The following TRAFD1 variants were observed in gnomAD, a reference collection of about 807,000 sequenced individuals.
TRAFD1 encodes TRAF-type zinc finger domain containing 1, also known as TRAF-type zinc finger domain-containing protein 1.
TRAFD1 carries 38 observed loss-of-function variants against 65.3 expected under a neutral mutation model. The ratio of observed to expected loss-of-function variants is 0.58; its 90% CI spans 0.45 to 0.76. The LOEUF is 0.76. Ranked by LOEUF, TRAFD1 falls within the 30% of genes least tolerant of loss-of-function variation. The pLI is 0.00. For missense variants in TRAFD1, 631 were observed against 712.6 expected, an observed-to-expected ratio of 0.89 and a Z score of 1.30; for synonymous variants, 223 against 257.2, an observed-to-expected ratio of 0.87 and a Z score of 1.27.
At chr12:112,138,651 A>C (rs991219201) in intron 4 of TRAFD1, among the ~76,000 whole-genome samples, 2 of 152,048 alleles carry the variant, frequency 1.3e-5, no homozygotes, top group Non-Finnish European at 2.9e-5. Flanking sequence ...TGAGGTCAAG[A>C]GTTCAAGACC....
chr12:112,141,289 G>A (rs753285617), intron 5 of TRAFD1, 65 bp downstream of exon 5: 1 of 1,563,690 alleles, frequency 6.4e-7, no homozygotes, highest in Non-Finnish European at 8.7e-7. Context: ...TGGGAACAGG[G>A]CTTTGGGGCC....
Position 112,130,581 on chromosome 12 carries a change from A to G in TRAFD1, c.47+12A>G. On this transcript the variant is annotated intron_variant, in intron 2 of 11. Transcript: ENST00000412615. This position sits in a 1 kb window ranked among gnomAD's most constrained non-coding sequence, Gnocchi z 4.4. ...CTGTGTGACAACTGGTAAGACATTA[A>G]ATCTAAGAAATGTTAGTGGAATGAG... 6.2e-7 allele frequency: 1 copy of G among 1,609,372 alleles called. No homozygotes were observed. Among genetic ancestry groups the G allele is most frequent in the South Asian group, 1.1e-5 (1 of 90,558 alleles).
rs777751852 is a variant in TRAFD1, at chr12:112,152,526, T to C, written c.1692+27T>C. On this transcript the variant is annotated intron_variant, in intron 11 of 11. Transcript: ENST00000412615. This position sits in a 1 kb window ranked among gnomAD's most constrained non-coding sequence, Gnocchi z 5.0. ...TAAGGTGGGCTCCAGCCCATGATGC[T>C]CAGTGGGGGACTCAGACATGGTGGG... 4.3e-6 allele frequency: 7 copies of C among 1,613,426 alleles called. No individual in the cohort carries two copies. Among genetic ancestry groups the C allele is most frequent in the Non-Finnish European group, 5.1e-6 (6 of 1,179,676 alleles).
chr12:112,134,931 A>T, intron 3 of TRAFD1, 58 bp downstream of exon 3: 1 of 1,612,536 alleles, frequency 6.2e-7, no homozygotes, highest in East Asian at 2.2e-5. Flanking sequence ...TTGTTCGTAA[A>T]TGTATTCTGT....
chr12:112,130,392 C>A lies in TRAFD1; in HGVS notation c.-12-119C>A, dbSNP rs2079734534. ...AAGGGACTGGATATTGAATAAAATG[C>A]TTTAACATGCAGGTTTGGGTGACAG... On this transcript the variant is annotated intron_variant, in intron 1 of 11. Coordinates refer to ENST00000412615, the MANE Select transcript of TRAFD1 (RefSeq NM_006700.3). The surrounding 1 kb of genome is among the most constrained non-coding windows in gnomAD (Gnocchi z 4.4). 1 of 626,946 alleles carries A rather than the reference C, an allele frequency of 1.6e-6. No homozygotes were observed. The allele number at this position is 626,946 out of a possible 1,614,324, so 38.8% of individuals were successfully genotyped here.
intron 6 of TRAFD1, among the ~76,000 whole-genome samples, chr12:112,145,201 C>T (rs1033751778): frequency 2.0e-5 from 3 of 152,064 alleles, no homozygotes; most frequent in Admixed American, 1.3e-4. Context: ...CCAGTTTATC[C>T]GTAAAATAAG....
intron 1 of TRAFD1, among the ~76,000 whole-genome samples, chr12:112,128,371 C>A (rs143146329): frequency 5.8e-4 from 88 of 152,276 alleles, no homozygotes; most frequent in Admixed American, 7.8e-4. Flanking sequence ...AAAGTGGCAA[C>A]TCGCTTGATA....
At position 112,152,829 on chromosome 12, in the gene TRAFD1, T is replaced by C; in HGVS notation, c.*38T>C. ...AGACTTTACATCGGTTCCTGTCTTC[T>C]GTGCACAGCAGCACTTGCCGCTGTG... On this transcript the variant is annotated 3_prime_UTR_variant, in exon 12 of 12. Coordinates refer to ENST00000412615, the MANE Select transcript of TRAFD1 (RefSeq NM_006700.3). This position sits in a 1 kb window ranked among gnomAD's most constrained non-coding sequence, Gnocchi z 5.0. 6.2e-7 allele frequency: 1 copy of C among 1,612,580 alleles called. No individual in the cohort carries two copies. Among genetic ancestry groups the C allele is most frequent in the Non-Finnish European group, 8.5e-7 (1 of 1,179,168 alleles).
intron 2 of TRAFD1, 133 bp from the exon 3 acceptor site, chr12:112,134,605 G>T: frequency 9.5e-7 from 1 of 1,056,104 alleles, no homozygotes; most frequent in Middle Eastern, 3.2e-4. Context: ...GAGTTTGTAG[G>T]CTAGGTATTC....
At chr12:112,141,764 C>A (rs937166616) in intron 5 of TRAFD1, among the ~76,000 whole-genome samples, 1 of 152,186 alleles carries the variant, frequency 6.6e-6, no homozygotes, top group Non-Finnish European at 1.5e-5. Flanking sequence ...GATTTGAATT[C>A]AGATAATCTG....
intron 8 of TRAFD1, among the ~76,000 whole-genome samples, chr12:112,148,619 G>GT (rs1417928642): frequency 6.6e-6 from 1 of 152,184 alleles, no homozygotes; most frequent in Non-Finnish European, 1.5e-5. Context: ...TTTTCACCAG[G>GT]TGGGTTTTTC....
Position 112,152,874 on chromosome 12 carries a change from C to G in TRAFD1, c.*83C>G, listed in dbSNP as rs2030449070. 6.7e-7 allele frequency: 1 copy of G among 1,489,140 alleles called. No homozygotes were observed. Among genetic ancestry groups the G allele is most frequent in the Non-Finnish European group, 9.2e-7 (1 of 1,091,126 alleles). The allele number at this position is 1,489,140 out of a possible 1,614,324, so 92.2% of individuals were successfully genotyped here. On this transcript the variant is annotated 3_prime_UTR_variant, in exon 12 of 12. Transcript: ENST00000412615. The surrounding 1 kb of genome is among the most constrained non-coding windows in gnomAD (Gnocchi z 5.0). ...GCTGTGCAGGCCCACCTCTTTGGCT[C>G]TTTGGGTGGGAGAGTTTTTCCAGAT...
At chr12:112,146,181 A>AAAG (rs202116782) in intron 7 of TRAFD1, among the ~76,000 whole-genome samples, 1 of 150,570 alleles carries the variant, frequency 6.6e-6, no homozygotes, top group African/African-American at 2.5e-5. Context: ...ATAATAAAAA[A>AAAG]AAGAAGAAGA....
chr12:112,142,342 A>G (rs377269147), intron 6 of TRAFD1, 47 bp downstream of exon 6: 52 of 1,570,746 alleles, frequency 3.3e-5, no homozygotes, highest in Admixed American at 2.3e-4. Flanking sequence ...CAGTTTTTGT[A>G]AGTCTTAGGT....
Position 112,137,502 on chromosome 12 carries a change from C to T in TRAFD1, c.237+2436C>T, listed in dbSNP as rs185345552. On this transcript the variant is annotated intron_variant, in intron 4 of 11. Transcript: ENST00000412615. The surrounding 1 kb of genome is among the most constrained non-coding windows in gnomAD (Gnocchi z 4.2). ...TCTTGGCTGGGCGCAGTGGCTCACG[C>T]CTGTAATCCCAGCACTTTGGGAGGC... Among the ~76,000 whole-genome samples the T allele has an allele frequency of 1.5e-3, 230 of 152,298 alleles. 1 individual carries two copies. Among genetic ancestry groups the T allele is most frequent in the African/African-American group, 5.3e-3 (219 of 41,560 alleles).
chr12:112,148,537 A>C (rs745902938), intron 8 of TRAFD1, among the ~76,000 whole-genome samples: 1 of 152,150 alleles, frequency 6.6e-6, no homozygotes, highest in Non-Finnish European at 1.5e-5. Context: ...CTGAGGACCA[A>C]AGAGCCAGGA....
intron 9 of TRAFD1, 62 bp from the exon 10 acceptor site, chr12:112,151,739 A>T (rs1182263772): frequency 6.7e-7 from 1 of 1,498,102 alleles, no homozygotes; most frequent in South Asian, 1.3e-5. Flanking sequence ...TTCCTGCCCT[A>T]AACCTGGCAC....
Position 112,148,277 on chromosome 12 carries a change from G to A in TRAFD1, c.1131G>A (p.Leu377=). Residue 377 remains leucine (L), a synonymous_variant, in exon 8 of 12, where the codon CTG becomes CTA. Coordinates refer to ENST00000412615, the MANE Select transcript of TRAFD1 (RefSeq NM_006700.3). ...IIPCEFCGVQ[L]EEEVLFHHQD... is the part of the protein sequence containing the mutation. ...CATGTGAATTCTGTGGGGTACAGCT[G>A]GAAGAGGAGGTGCTGTTCCATCACC... The A allele has an allele frequency of 6.2e-7, 1 of 1,614,162 alleles. No individual in the cohort carries two copies. Among genetic ancestry groups the A allele is most frequent in the Non-Finnish European group, 8.5e-7 (1 of 1,180,016 alleles).
intron 2 of TRAFD1, among the ~76,000 whole-genome samples, chr12:112,134,130 C>G (rs1215346698): frequency 4.0e-5 from 6 of 150,980 alleles, no homozygotes; most frequent in African/African-American, 1.5e-4. Context: ...CCTGCCTCAG[C>G]CTCCTGAGTA....
Sources: allele counts gnomAD v4.1 joint callset (sites outside exome capture counted in the v4.1 genomes callset), GRCh38; gene constraint gnomAD v4.1.1; non-coding constraint Gnocchi (gnomAD v3.1); transcripts MANE v1.5; gene names NCBI Gene and HGNC (gene_info 2026-07-23, HGNC 2026-07-21).